The following BMPR1B variants were observed in gnomAD, a reference collection of about 807,000 sequenced individuals.
BMPR1B encodes bone morphogenetic protein receptor type-1B.
BMPR1B carries 12 observed loss-of-function variants against 59.1 expected under a neutral mutation model. That is an observed-to-expected ratio of 0.20 (90% CI 0.13 to 0.33). The LOEUF (loss-of-function observed/expected upper bound fraction) is 0.33, where lower values mean the gene tolerates loss of function less well. Ranked by LOEUF, BMPR1B falls within the 10% of genes least tolerant of loss-of-function variation. The pLI is 1.00. For missense variants in BMPR1B, 550 were observed against 610.9 expected (o/e 0.90, Z 1.05); for synonymous variants, 237 against 207.3 (o/e 1.14, Z -1.23).
intron 8 of BMPR1B, among the ~76,000 whole-genome samples, chr4:95,126,396 T>C (rs548443390): frequency 8.2e-4 from 125 of 152,360 alleles, no homozygotes; most frequent in Middle Eastern, 6.8e-3. Context: ...CATCATATAA[T>C]GATTAAAAGC....
At chr4:94,801,473 A>G (rs1254285016) in intron 1 of BMPR1B, among the ~76,000 whole-genome samples, 1 of 152,182 alleles carries the variant, frequency 6.6e-6, no homozygotes, top group Non-Finnish European at 1.5e-5. Flanking sequence ...GCCCTCCTCT[A>G]TCTTCCCTAC....
intron 1 of BMPR1B, among the ~76,000 whole-genome samples, chr4:94,770,468 A>G (rs954987707): frequency 4.6e-4 from 70 of 152,060 alleles, no homozygotes; most frequent in Admixed American, 2.2e-3. Context: ...TAGTAACCCT[A>G]TAGTTTTCCA....
chr4:94,883,854 G>A (rs540028978), intron 2 of BMPR1B, among the ~76,000 whole-genome samples: 42 of 152,250 alleles, frequency 2.8e-4, no homozygotes, highest in African/African-American at 9.1e-4. Context: ...TAGATGGACT[G>A]TTGATTCCCT....
At chr4:94,981,262 G>A (rs1560578421) in intron 2 of BMPR1B, among the ~76,000 whole-genome samples, 1 of 151,598 alleles carries the variant, frequency 6.6e-6, no homozygotes, top group Admixed American at 6.6e-5. Flanking sequence ...GGAGTGCAGT[G>A]GCGCAATCAC....
chr4:94,903,719 G>A (rs1727919357), intron 2 of BMPR1B, among the ~76,000 whole-genome samples: 1 of 151,856 alleles, frequency 6.6e-6, no homozygotes, highest in Admixed American at 6.6e-5. Flanking sequence ...TGAAGTCATT[G>A]GGGGTAGGCC....
chr4:94,962,295 G>A (rs766151914), intron 2 of BMPR1B, among the ~76,000 whole-genome samples: 4 of 151,966 alleles, frequency 2.6e-5, no homozygotes, highest in Non-Finnish European at 4.4e-5. Flanking sequence ...GTGCCACCAT[G>A]CTCAGCTAAT....
At position 95,105,040 on chromosome 4, in the gene BMPR1B, G is replaced by A. The variant is rs140846672; in HGVS notation, c.143+473G>A. On this transcript the variant is annotated intron_variant, in intron 4 of 12. Transcript: ENST00000515059. ...AGCAGTGCAGTGGTAGAGCTCATGC[G>A]ATTCCCCAAGTTGCTAAGAAAGACA... is the stretch of plus-strand genomic sequence containing the variant. 4.6e-5 allele frequency among the ~76,000 whole-genome samples: 7 copies of A among 152,178 alleles called. No homozygotes were observed. In the East Asian group the frequency reaches 7.7e-4, roughly 17 times the overall value.
At chr4:94,932,521 A>G (rs1001891817) in intron 2 of BMPR1B, among the ~76,000 whole-genome samples, 1 of 152,150 alleles carries the variant, frequency 6.6e-6, no homozygotes, top group African/African-American at 2.4e-5. Context: ...ATAACTGTCA[A>G]TTTGAAGGAT....
intron 11 of BMPR1B, among the ~76,000 whole-genome samples, chr4:95,151,774 A>G (rs1275949421): frequency 6.6e-6 from 1 of 152,208 alleles, no homozygotes; most frequent in Non-Finnish European, 1.5e-5. Context: ...TGATATTTCT[A>G]TAAAAGATGA....
intron 1 of BMPR1B, among the ~76,000 whole-genome samples, chr4:94,776,097 G>GAAAAAAAAAAAAAAAAAAAAAAA (rs200886486): frequency 7.2e-6 from 1 of 139,002 alleles, no homozygotes. Context: ...CTCAAAAAAA[G>GAAAAAAAAAAAAAAAAAAAAAAA]AAAAAAAAAA....
At position 94,941,996 on chromosome 4, in the gene BMPR1B, T is replaced by A. The variant is rs116441623; in HGVS notation, c.-112-54044T>A. 7.9e-3 allele frequency among the ~76,000 whole-genome samples: 1,203 copies of A among 152,340 alleles called. 14 individuals are homozygous for A. The highest frequency in any genetic ancestry group is 0.027 in the African/African-American group (1,135 of 41,580). ...TTTACTATAAAAGGAATTATCTGGT[T>A]ACATAGCTCTTTGGCACAGGCAAAA... On this transcript the variant is annotated intron_variant, in intron 2 of 12. Coordinates refer to ENST00000515059, the MANE Select transcript of BMPR1B (RefSeq NM_001203.3).
chr4:94,767,129 A>G (rs1328728657), intron 1 of BMPR1B, among the ~76,000 whole-genome samples: 1 of 152,194 alleles, frequency 6.6e-6, no homozygotes, highest in Non-Finnish European at 1.5e-5. Context: ...TGGAGGCATT[A>G]CTTACTCATC....
intron 8 of BMPR1B, 74 bp downstream of exon 8, chr4:95,125,195 T>C (rs1460343683): frequency 2.5e-6 from 4 of 1,577,920 alleles, no homozygotes; most frequent in Non-Finnish European, 8.7e-7. Context: ...GGGGTTTCAC[T>C]TACTGAAATA....
chr4:94,837,014 G>C (rs1724846609), intron 1 of BMPR1B, among the ~76,000 whole-genome samples: 2 of 143,220 alleles, frequency 1.4e-5, no homozygotes, highest in Non-Finnish European at 3.1e-5. Flanking sequence ...ATTAAATAGG[G>C]AATCCTTTCC....
chr4:94,819,754 G>A (rs1332008151), intron 1 of BMPR1B, among the ~76,000 whole-genome samples: 9 of 152,208 alleles, frequency 5.9e-5, no homozygotes, highest in Admixed American at 1.3e-4. Context: ...GAATATGTAA[G>A]TATCTGCTTA....
intron 1 of BMPR1B, among the ~76,000 whole-genome samples, chr4:94,845,749 G>A (rs1725299950): frequency 6.6e-6 from 1 of 152,074 alleles, no homozygotes; most frequent in Non-Finnish European, 1.5e-5. Flanking sequence ...TATATCTTCT[G>A]TTTAAAGTTT....
At position 95,092,133 on chromosome 4, in the gene BMPR1B, T is replaced by G. The variant is rs535134037; in HGVS notation, c.-17-12275T>G. Among the ~76,000 whole-genome samples, 3 of 152,246 alleles carry G rather than the reference T, an allele frequency of 2.0e-5. No homozygotes were observed. In the South Asian group the frequency reaches 6.2e-4, roughly 32 times the overall value. On this transcript the variant is annotated intron_variant, in intron 3 of 12. Coordinates refer to ENST00000515059, the MANE Select transcript of BMPR1B (RefSeq NM_001203.3). ...TGAGTTTTAAAAAATGCAAAATGAT[T>G]CTTTAAAGTATAAATGTAATGATTT...
intron 2 of BMPR1B, among the ~76,000 whole-genome samples, chr4:94,900,968 C>A (rs1727787628): frequency 6.6e-6 from 1 of 151,920 alleles, no homozygotes; most frequent in African/African-American, 2.4e-5. Flanking sequence ...CTAAGCTTTG[C>A]ACATCCATTT....
At chr4:94,780,410 ACATT>A (rs1398054561) in intron 1 of BMPR1B, among the ~76,000 whole-genome samples, 1 of 152,214 alleles carries the variant, frequency 6.6e-6, no homozygotes, top group African/African-American at 2.4e-5. Flanking sequence ...ATATATTTAT[ACATT>A]CATTAGTTGA....
Sources: allele counts gnomAD v4.1 joint callset (sites outside exome capture counted in the v4.1 genomes callset), GRCh38; gene constraint gnomAD v4.1.1; transcripts MANE v1.5; gene names NCBI Gene and HGNC (gene_info 2026-07-23, HGNC 2026-07-21).